Variants in ASTN2 observed in about 807,000 individuals in gnomAD.
The protein encoded by ASTN2 is astrotactin 2.
In ASTN2, 54 loss-of-function variants were observed where a neutral mutation model predicts 139.8. The observed-to-expected ratio is 0.39, with a 90% CI of 0.31 to 0.48. ASTN2 has a LOEUF of 0.48. ASTN2 is among the 20% of genes least tolerant of loss of function. ASTN2 has a pLI of 0.95. For synonymous variants in ASTN2, 756 were observed against 719.5 expected, an observed-to-expected ratio of 1.05 and a Z score of -0.81; for missense variants, 1,565 against 1,725.1, an observed-to-expected ratio of 0.91 and a Z score of 1.64.
intron 3 of ASTN2, among the ~76,000 whole-genome samples, chr9:117,180,287 A>G (rs945169736): frequency 2.0e-5 from 3 of 152,112 alleles, no homozygotes; most frequent in Non-Finnish European, 4.4e-5. Flanking sequence ...GATCTGACCC[A>G]TCTCTTCCTC....
At chr9:117,298,708 G>GTA (rs1564133295) in intron 1 of ASTN2, among the ~76,000 whole-genome samples, 5 of 57,596 alleles carry the variant, frequency 8.7e-5, no homozygotes, top group Admixed American at 2.3e-4. Context: ...ATGTATGTGT[G>GTA]TGTGTGTGTG....
intron 20 of ASTN2, among the ~76,000 whole-genome samples, chr9:116,471,610 A>C (rs1377894311): frequency 6.6e-6 from 1 of 151,742 alleles, no homozygotes; most frequent in East Asian, 1.9e-4. Flanking sequence ...AAGGGGGTGG[A>C]GGGAGGGGGG....
At chr9:116,545,608 T>C (rs1852059172) in intron 19 of ASTN2, 1 of 152,174 alleles carries the variant, frequency 6.6e-6, no homozygotes. Flanking sequence ...TTGAAAGCAA[T>C]AGTTTAAGAA....
intron 4 of ASTN2, among the ~76,000 whole-genome samples, chr9:117,118,264 C>G (rs945590301): frequency 1.2e-4 from 19 of 152,200 alleles, no homozygotes; most frequent in African/African-American, 4.6e-4. Flanking sequence ...TTCTTTTTTG[C>G]CCTTCCTAAG....
intron 17 of ASTN2, among the ~76,000 whole-genome samples, chr9:116,633,978 G>C (rs1374330374): frequency 6.6e-6 from 1 of 152,148 alleles, no homozygotes; most frequent in East Asian, 1.9e-4. Context: ...ACCCAGGAAA[G>C]GATGTTACAC....
At chr9:116,821,006 A>T (rs1831470155) in intron 11 of ASTN2, among the ~76,000 whole-genome samples, 1 of 151,896 alleles carries the variant, frequency 6.6e-6, no homozygotes, top group Non-Finnish European at 1.5e-5. Flanking sequence ...CTATCTGCTT[A>T]TAGTGTTGTG....
chr9:116,881,115 G>A (rs990285641), intron 10 of ASTN2, among the ~76,000 whole-genome samples: 9 of 152,154 alleles, frequency 5.9e-5, no homozygotes, highest in African/African-American at 2.2e-4. Flanking sequence ...CACAAACAGA[G>A]TCACAGAATG....
chr9:117,406,935 T>C (rs1414302427), intron 1 of ASTN2, among the ~76,000 whole-genome samples: 1 of 151,848 alleles, frequency 6.6e-6, no homozygotes, highest in African/African-American at 2.4e-5. Flanking sequence ...AATGCAGAGA[T>C]CTTTGTCTTT....
chr9:117,038,770 A>G (rs1838467795), intron 6 of ASTN2, among the ~76,000 whole-genome samples: 2 of 152,218 alleles, frequency 1.3e-5, no homozygotes, highest in Non-Finnish European at 2.9e-5. Context: ...ACAGACGCCA[A>G]CATATCCTGG....
chr9:117,241,276 A>G (rs1202823845), intron 2 of ASTN2, among the ~76,000 whole-genome samples: 1 of 152,174 alleles, frequency 6.6e-6, no homozygotes, highest in African/African-American at 2.4e-5. Context: ...AAATTTGACA[A>G]CTGCACTCCT....
chr9:116,824,356 A>G (rs1831565910), intron 11 of ASTN2, among the ~76,000 whole-genome samples: 1 of 143,848 alleles, frequency 7.0e-6, no homozygotes, highest in African/African-American at 2.6e-5. Flanking sequence ...GGTAGATCAT[A>G]AGAGAGATCT....
chr9:116,887,501 G>A (rs1023959671), intron 10 of ASTN2, among the ~76,000 whole-genome samples: 17 of 151,854 alleles, frequency 1.1e-4, no homozygotes, highest in Non-Finnish European at 2.4e-4. Flanking sequence ...AGGCCCAGGG[G>A]CAGGGATGGG....
At chr9:117,285,601 T>A (rs1834429665) in intron 2 of ASTN2, among the ~76,000 whole-genome samples, 1 of 152,244 alleles carries the variant, frequency 6.6e-6, no homozygotes, top group Non-Finnish European at 1.5e-5. Flanking sequence ...CACAGAGTCA[T>A]AGATCATCTA....
chr9:116,534,308 AC>A (rs1251467641), intron 19 of ASTN2, among the ~76,000 whole-genome samples: 1 of 152,074 alleles, frequency 6.6e-6, no homozygotes, highest in Non-Finnish European at 1.5e-5. Context: ...TTTTCAAAAA[AC>A]CAGCTCCTGG....
intron 6 of ASTN2, among the ~76,000 whole-genome samples, chr9:117,011,476 C>A (rs898569637): frequency 3.9e-5 from 6 of 152,176 alleles, no homozygotes; most frequent in Non-Finnish European, 8.8e-5. Flanking sequence ...ATTTTAGCAC[C>A]TTGATCTTGG....
Position 116,978,400 on chromosome 9 carries a change from C to T in ASTN2, c.1592-1615G>A, listed in dbSNP as rs73655566. 2.4e-3 allele frequency among the ~76,000 whole-genome samples: 365 copies of T among 152,068 alleles called. 3 individuals are homozygous for T. Among genetic ancestry groups the T allele is most frequent in the African/African-American group, 7.9e-3 (328 of 41,486 alleles). ...TAAATTTCCAGGCTAATGATGTTGG[C>T]TTGTCTTCTTTCTCATCTTCTTGTA... On this transcript the variant is annotated intron_variant, in intron 7 of 22. Coordinates refer to ENST00000313400, the MANE Select transcript of ASTN2 (RefSeq NM_001365068.1).
At chr9:116,609,379 GTATATATATATATATA>G (rs56938236) in intron 19 of ASTN2, among the ~76,000 whole-genome samples, 4 of 116,734 alleles carry the variant, frequency 3.4e-5, no homozygotes, top group African/African-American at 9.7e-5. Flanking sequence ...ATATATGGGT[GTATATATATATATATA>G]TATATATATA....
At chr9:116,977,322 T>A (rs1030434177) in intron 7 of ASTN2, among the ~76,000 whole-genome samples, 1 of 152,152 alleles carries the variant, frequency 6.6e-6, no homozygotes, top group East Asian at 1.9e-4. Context: ...GTGTTGCTTT[T>A]CATTTTTAAA....
In ASTN2 at chr9:116,964,269, G is replaced by GCGCGCACGCA. The variant is rs1028997326; in HGVS notation, c.1889+10938_1889+10939insTGCGTGCGCG. ...TGTGTGTGTGTGTGCGCGCGCGCGC[G>GCGCGCACGCA]TGTGTGTTGACTACTGGGTGGTTGA... On this transcript the variant is annotated intron_variant, in intron 10 of 22. Transcript: ENST00000313400. 9.2e-5 allele frequency among the ~76,000 whole-genome samples: 14 copies of GCGCGCACGCA among 151,596 alleles called. No homozygotes were observed. The East Asian group carries it at 1.4e-3, about 15-fold the overall frequency.
Sources: gnomAD v4.1 joint callset for allele counts (sites outside exome capture counted in the v4.1 genomes callset) on GRCh38, gnomAD v4.1.1 for gene constraint, MANE v1.5 for transcripts, NCBI Gene and HGNC (gene_info 2026-07-23, HGNC 2026-07-21) for gene names.